The following SDC2 variants were observed in gnomAD, a reference collection of about 807,000 sequenced individuals.
SDC2 encodes the protein syndecan 2.
Under a neutral mutation model 22.2 loss-of-function variants are expected in SDC2, and 13 were observed. The ratio of observed to expected loss-of-function variants is 0.59; its 90% CI spans 0.38 to 0.93. SDC2 has a LOEUF of 0.93. Ranked by LOEUF, SDC2 falls within the 40% of genes least tolerant of loss-of-function variation. The pLI is 0.00. For synonymous variants in SDC2, 94 were observed against 92.8 expected, an observed-to-expected ratio of 1.01 and a Z score of -0.07; for missense variants, 235 against 246.8, an observed-to-expected ratio of 0.95 and a Z score of 0.32.
intron 2 of SDC2, among the ~76,000 whole-genome samples, chr8:96,595,106 G>A (rs911659063): frequency 6.6e-6 from 1 of 152,168 alleles, no homozygotes; most frequent in African/African-American, 2.4e-5. Flanking sequence ...TGAGAAATTT[G>A]TGGTCAGCAG....
In SDC2 at chr8:96,604,648, A is replaced by G. The variant is rs555881788; in HGVS notation, c.306+2120A>G. On this transcript the variant is annotated intron_variant, in intron 3 of 4. Transcript: ENST00000302190. ...TTAATGTCACTGTTACGGATATCCT[A>G]TCTAGTTTGTTGTAAATTTAAGTGA... 8.5e-5 allele frequency among the ~76,000 whole-genome samples: 13 copies of G among 152,212 alleles called. No homozygotes were observed. The East Asian group carries it at 2.5e-3, about 29-fold the overall frequency.
chr8:96,545,566 C>T (rs77759513), intron 1 of SDC2, among the ~76,000 whole-genome samples: 23,763 of 152,026 alleles, frequency 0.16, 2,154 homozygotes, highest in East Asian at 0.32. Context: ...AGAATGAGCA[C>T]GTAATATTAG....
chr8:96,581,968 G>C (rs1586313112), intron 1 of SDC2, among the ~76,000 whole-genome samples: 1 of 152,174 alleles, frequency 6.6e-6, no homozygotes, highest in African/African-American at 2.4e-5. Context: ...CTTTGAGATG[G>C]CACAGGTCAC....
intron 1 of SDC2, among the ~76,000 whole-genome samples, chr8:96,507,343 A>G (rs1180898543): frequency 6.6e-6 from 1 of 152,248 alleles, no homozygotes; most frequent in East Asian, 1.9e-4. Context: ...CACATGTTTG[A>G]CAAATAAATG....
intron 1 of SDC2, among the ~76,000 whole-genome samples, chr8:96,574,805 G>A (rs1012137955): frequency 5.9e-5 from 9 of 152,128 alleles, no homozygotes; most frequent in Non-Finnish European, 8.8e-5. Flanking sequence ...AATGTATTGC[G>A]TTACCTGTAG....
chr8:96,519,248 A>C (rs769007409), intron 1 of SDC2, among the ~76,000 whole-genome samples: 6 of 152,182 alleles, frequency 3.9e-5, no homozygotes, highest in Non-Finnish European at 7.3e-5. Context: ...CAGTTTGGAA[A>C]TCATAAAGCT....
intron 1 of SDC2, among the ~76,000 whole-genome samples, chr8:96,533,032 A>G (rs539654460): frequency 6.6e-6 from 1 of 152,304 alleles, no homozygotes; most frequent in South Asian, 2.1e-4. Flanking sequence ...CAGCGTGTCC[A>G]GAGTTTGTTC....
At chr8:96,580,250 C>A in intron 1 of SDC2, 1 of 292,760 alleles carries the variant, frequency 3.4e-6, no homozygotes, top group Non-Finnish European at 5.1e-6. Flanking sequence ...AATCATTCAG[C>A]CGCATTCTTT....
intron 1 of SDC2, among the ~76,000 whole-genome samples, chr8:96,592,868 C>T (rs16894834): frequency 0.12 from 17,510 of 152,238 alleles, 1,181 homozygotes; most frequent in East Asian, 0.21. Context: ...GCCTCACGGG[C>T]GCTGCTCCTC....
At chr8:96,601,206 G>A (rs1214460288) in intron 2 of SDC2, among the ~76,000 whole-genome samples, 1 of 152,180 alleles carries the variant, frequency 6.6e-6, no homozygotes, top group African/African-American at 2.4e-5. Context: ...ATTGGGTGCT[G>A]TGGATACTGG....
intron 1 of SDC2, among the ~76,000 whole-genome samples, chr8:96,559,136 TG>T (rs1044731315): frequency 3.9e-5 from 6 of 152,190 alleles, no homozygotes; most frequent in African/African-American, 1.4e-4. Flanking sequence ...TAAGGAGTAC[TG>T]GTGGAAATGA....
chr8:96,531,755 C>T (rs988279961), intron 1 of SDC2, among the ~76,000 whole-genome samples: 7 of 152,232 alleles, frequency 4.6e-5, no homozygotes, highest in African/African-American at 1.7e-4. Context: ...TTCTGGTAAT[C>T]TCTAAATTCT....
chr8:96,551,538 A>G (rs1011683602), intron 1 of SDC2, among the ~76,000 whole-genome samples: 4 of 152,116 alleles, frequency 2.6e-5, no homozygotes, highest in African/African-American at 9.7e-5. Flanking sequence ...CAGTTCAGTA[A>G]CTTGTCCAAG....
Position 96,494,050 on chromosome 8 carries a change from G to A in SDC2, c.-222G>A. 1 of 555,674 alleles carries A rather than the reference G, an allele frequency of 1.8e-6. No homozygotes were observed. The highest frequency in any genetic ancestry group is 3.1e-6 in the Non-Finnish European group (1 of 318,808). 34.4% of individuals were successfully genotyped at this position (555,674 alleles called of 1,614,324 possible). On this transcript the variant is annotated 5_prime_UTR_variant, in exon 1 of 5. Transcript: ENST00000302190. ...GGAGTGCAGAAACCAACAAGTGAGA[G>A]GGCGCCGCGTTCCCGGGGCGCAGCT...
intron 1 of SDC2, among the ~76,000 whole-genome samples, chr8:96,537,105 G>A (rs995211768): frequency 6.6e-6 from 1 of 152,170 alleles, no homozygotes; most frequent in African/African-American, 2.4e-5. Context: ...GTACCTTTGT[G>A]TGTAGGGGGT....
chr8:96,510,605 C>T (rs1813312958), intron 1 of SDC2, among the ~76,000 whole-genome samples: 2 of 152,216 alleles, frequency 1.3e-5, no homozygotes, highest in Admixed American at 1.3e-4. Context: ...AAAAATTGCT[C>T]TGCAGGATAA....
At chr8:96,518,648 T>C (rs1005434383) in intron 1 of SDC2, among the ~76,000 whole-genome samples, 6 of 152,268 alleles carry the variant, frequency 3.9e-5, no homozygotes, top group East Asian at 3.9e-4. Flanking sequence ...TGAGCCACCG[T>C]GCCTGGCCTA....
At chr8:96,540,338 G>GGGTATATATATATATA (rs1813825161) in intron 1 of SDC2, among the ~76,000 whole-genome samples, 1 of 41,336 alleles carries the variant, frequency 2.4e-5, no homozygotes, top group Non-Finnish European at 8.6e-5. Context: ...CTATATATAT[G>GGGTATATATATATATA]TGTATATATA....
chr8:96,512,861 ATTTAATC>A (rs1397694024), intron 1 of SDC2, among the ~76,000 whole-genome samples: 2 of 152,208 alleles, frequency 1.3e-5, no homozygotes, highest in East Asian at 3.8e-4. Flanking sequence ...GTTTTAAATT[ATTTAATC>A]TTTAATTGCT....
Sources: allele counts gnomAD v4.1 joint callset (sites outside exome capture counted in the v4.1 genomes callset), GRCh38; gene constraint gnomAD v4.1.1; transcripts MANE v1.5; gene names NCBI Gene and HGNC (gene_info 2026-07-23, HGNC 2026-07-21).